Variants in GLYR1 observed in about 807,000 individuals in gnomAD.
GLYR1 encodes the protein glyoxylate reductase 1 homolog.
Under a neutral mutation model 72.7 loss-of-function variants are expected in GLYR1, and 21 were observed. The ratio of observed to expected loss-of-function variants is 0.29; its 90% CI spans 0.20 to 0.42. The LOEUF (loss-of-function observed/expected upper bound fraction) is 0.42. GLYR1 is among the 10% of genes least tolerant of loss of function. The probability of loss-of-function intolerance (pLI) is 1.00; values close to 1 mark genes in which losing one functional copy is unlikely to be tolerated. For missense variants in GLYR1, 594 were observed against 712.1 expected (o/e 0.83, Z 1.89); for synonymous variants, 392 against 270.2 (o/e 1.45, Z -4.42).
At chr16:4,832,273 TC>T (rs780213673) in intron 4 of GLYR1, 52 bp from the exon 5 acceptor site, 18 of 1,600,130 alleles carry the variant, frequency 1.1e-5, no homozygotes, top group Non-Finnish European at 1.5e-5. Context: ...GCTGCCGCCA[TC>T]GCCACCATCA....
At chr16:4,833,120 C>T in intron 3 of GLYR1, 1 of 425,436 alleles carries the variant, frequency 2.4e-6, no homozygotes, top group Non-Finnish European at 4.1e-6. Context: ...GCAGAACAAC[C>T]ATCACCACCA....
chr16:4,814,415 G>C, intron 11 of GLYR1, 122 bp downstream of exon 11: 1 of 744,552 alleles, frequency 1.3e-6, no homozygotes, highest in African/African-American at 1.7e-5. Context: ...GATGGCCCCT[G>C]ATGGGAAATT....
chr16:4,806,558 G>T (rs1371251166), intron 15 of GLYR1, among the ~76,000 whole-genome samples: 1 of 151,502 alleles, frequency 6.6e-6, no homozygotes, highest in Admixed American at 6.6e-5. Flanking sequence ...GTACAGATGG[G>T]GGTCTTGCTA....
At chr16:4,822,111 G>C (rs140300748) in intron 7 of GLYR1, among the ~76,000 whole-genome samples, 4 of 103,422 alleles carry the variant, frequency 3.9e-5, no homozygotes, top group Non-Finnish European at 8.4e-5. Flanking sequence ...TTCTGAGATA[G>C]AGTCTCGCTC....
Position 4,842,992 on chromosome 16 carries a change from G to A in GLYR1, c.155+2082C>T, listed in dbSNP as rs567306924. 1.1e-4 allele frequency among the ~76,000 whole-genome samples: 16 copies of A among 152,224 alleles called. No homozygotes were observed. The South Asian group carries it at 3.3e-3, about 32-fold the overall frequency. On this transcript the variant is annotated intron_variant, in intron 3 of 15. Transcript: ENST00000321919. ...TGGGGTTACAGGCATGAGCCACCATGCCCGACCATCATTGTGCACATCATC... is the reference window on the plus strand; with the variant it reads ...TGGGGTTACAGGCATGAGCCACCATACCCGACCATCATTGTGCACATCATC...
At chr16:4,840,263 G>T (rs1235072709) in intron 3 of GLYR1, 1 of 152,458 alleles carries the variant, frequency 6.6e-6, no homozygotes, top group South Asian at 2.1e-4. Context: ...TCCTGATCCC[G>T]TGATTCCTTC....
In GLYR1 at chr16:4,803,548, C is replaced by T. The variant is rs1001090900; in HGVS notation, c.*1688G>A. ...ACAATATTAAGACAAAATTGACTAA[C>T]CGGTTTCATTACCGCATCTTCCCCC... On this transcript the variant is annotated 3_prime_UTR_variant, in exon 16 of 16. Transcript: ENST00000321919. The T allele has an allele frequency of 6.6e-6, 1 of 152,562 alleles. No homozygotes were observed. Among genetic ancestry groups the T allele is most frequent in the Admixed American group, 6.5e-5 (1 of 15,272 alleles). The allele number at this position is 152,562 out of a possible 1,614,324, so 9.5% of individuals were successfully genotyped here.
intron 11 of GLYR1, 134 bp downstream of exon 11, chr16:4,814,403 G>A: frequency 1.4e-6 from 1 of 701,566 alleles, no homozygotes; most frequent in Admixed American, 2.2e-5. Context: ...TTCACAATGG[G>A]AGATGGCCCC....
In GLYR1 at chr16:4,832,178, G is replaced by C. The variant is rs2084842035; in HGVS notation, c.338C>G (p.Ser113Cys). 6.2e-7 allele frequency: 1 copy of C among 1,614,032 alleles called. No homozygotes were observed. The highest frequency in any genetic ancestry group is 8.5e-7 in the Non-Finnish European group (1 of 1,179,978). The stretch of plus-strand genomic sequence containing the variant: ...GTTTGGCCTACTTCTCTCCTCACTG[G>C]AATTACGTCGATTCTTGTCATCAGA... ...NSSDDKNRRNSSEERSRPNSG... is the reference protein window; with the variant it reads ...NSSDDKNRRNCSEERSRPNSG... Residue 113 changes from serine (S) to cysteine (C), a missense_variant, in exon 5 of 16, where the codon TCC becomes TGC. Around this residue, in one of 5 missense-constraint regions of GLYR1, gnomAD observed 252 missense variants for 211.3 expected, o/e 1.19. Coordinates refer to ENST00000321919, the MANE Select transcript of GLYR1 (RefSeq NM_032569.4).
At chr16:4,823,029 T>G in intron 6 of GLYR1, 98 bp from the exon 7 acceptor site, 1 of 968,338 alleles carries the variant, frequency 1.0e-6, no homozygotes. Flanking sequence ...GCAACACCTC[T>G]GGATTCTGGT....
chr16:4,809,059 A>G (rs1037912804), intron 15 of GLYR1, among the ~76,000 whole-genome samples: 9 of 152,210 alleles, frequency 5.9e-5, no homozygotes, highest in African/African-American at 2.2e-4. Context: ...GTCAAAATGG[A>G]TAAAAATCCA....
rs1190338905 is a variant in GLYR1 at position 4,847,242 on chromosome 16, G to C, written c.24C>G (p.Leu8=). Residue 8 remains leucine (L), a synonymous_variant, in exon 1 of 16, where the codon CTC becomes CTG. Coordinates refer to ENST00000321919, the MANE Select transcript of GLYR1 (RefSeq NM_032569.4). MAAVSLR[L]GDLVWGKLGR... is the part of the protein sequence containing the mutation. ...CTCGGACTCACCACACCAAGTCGCC[G>C]AGCCGCAGACTCACAGCCGCCATCT... 6 of 1,609,132 alleles carry C rather than the reference G, an allele frequency of 3.7e-6. No homozygotes were observed. The highest frequency in any genetic ancestry group is 2.7e-5 in the African/African-American group (2 of 74,600).
chr16:4,832,092 C>T lies in GLYR1; in HGVS notation c.424G>A (p.Glu142Lys), dbSNP rs1255631846. The change falls in exon 5 of 16, where the codon GAA (glutamate) becomes AAA (lysine). Residue 142 changes from glutamate (E) to lysine (K), a missense_variant. Coordinates refer to ENST00000321919, the MANE Select transcript of GLYR1 (RefSeq NM_032569.4). ...CCTGAAGACACCCTCTTCTTTCCTT[C>T]TCCCATGTTCTTCTTCACCTTCCCT... Reference protein sequence around the residue: ...SEGKVKKNMGEGKKRVSSGSS... With the variant: ...SEGKVKKNMGKGKKRVSSGSS... 8 of 1,614,120 alleles carry T rather than the reference C, an allele frequency of 5.0e-6. No homozygotes were observed. The highest frequency in any genetic ancestry group is 6.8e-6 in the Non-Finnish European group (8 of 1,180,062).
intron 12 of GLYR1, 122 bp downstream of exon 12, chr16:4,813,615 C>T (rs551643122): frequency 1.5e-5 from 12 of 825,386 alleles, no homozygotes; most frequent in Middle Eastern, 6.0e-4. Flanking sequence ...CAAGGCTACT[C>T]GCCTCTCCTC....
Position 4,817,657 on chromosome 16 carries a change from C to A in GLYR1, c.847G>T (p.Val283Phe). 3 of 1,613,514 alleles carry A rather than the reference C, an allele frequency of 1.9e-6. No homozygotes were observed. Among genetic ancestry groups the A allele is most frequent in the Non-Finnish European group, 2.5e-6 (3 of 1,179,532 alleles). ...TGACCCATTTTTAGCAAGTTGGAGACGATTCCACTTCCCATGAGACCAAGG... is the reference window on the plus strand; with the variant it reads ...TGACCCATTTTTAGCAAGTTGGAGAAGATTCCACTTCCCATGAGACCAAGG... ...LGLGLMGSGIVSNLLKMGHTV... is the reference protein window; with the variant it reads ...LGLGLMGSGIFSNLLKMGHTV... Residue 283 changes from valine to phenylalanine, a missense_variant, in exon 10 of 16, where the codon GTC (valine) becomes TTC (phenylalanine). Coordinates refer to ENST00000321919, the MANE Select transcript of GLYR1 (RefSeq NM_032569.4).
Position 4,843,482 on chromosome 16 carries a change from C to T in GLYR1, c.155+1592G>A. 4 of 1,274,190 alleles carry T rather than the reference C, an allele frequency of 3.1e-6. No individual in the cohort carries two copies. In the South Asian group the frequency reaches 3.8e-5, roughly 12 times the overall value. The allele number at this position is 1,274,190 out of a possible 1,614,324, so 78.9% of individuals were successfully genotyped here. A position where few individuals can be genotyped will look rare whatever the true frequency, so the allele number is the denominator to read the frequency against. ...ATCTTCTTTTTAAATCCATGGAGTT[C>T]TAAGAACATTCCCTCTTCCAGAAGC... On this transcript the variant is annotated intron_variant, in intron 3 of 15. Coordinates refer to ENST00000321919, the MANE Select transcript of GLYR1 (RefSeq NM_032569.4).
At chr16:4,829,490 TTTG>T (rs1303274691) in intron 5 of GLYR1, among the ~76,000 whole-genome samples, 6 of 151,722 alleles carry the variant, frequency 4.0e-5, no homozygotes, top group Admixed American at 1.3e-4. Flanking sequence ...TGTTTCTTTT[TTTG>T]TTGTTTTTTT....
At position 4,832,928 on chromosome 16, in the gene GLYR1, C is replaced by A. The variant is rs777409736; in HGVS notation, c.156-16G>T. 11 of 1,603,328 alleles carry A rather than the reference C, an allele frequency of 6.9e-6. No homozygotes were observed. The highest frequency in any genetic ancestry group is 1.7e-4 in the Middle Eastern group (1 of 6,022). ...GATCCAGGCACTAGCAGAAAACAAA[C>A]ACAAAAAGGGTGTGAACCATATAGC... is the stretch of plus-strand genomic sequence containing the variant. On this transcript the variant is annotated splice_polypyrimidine_tract_variant and intron_variant, in intron 3 of 15. Coordinates refer to ENST00000321919, the MANE Select transcript of GLYR1 (RefSeq NM_032569.4).
chr16:4,824,627 A>G (rs1329570689), intron 5 of GLYR1, among the ~76,000 whole-genome samples: 1 of 152,130 alleles, frequency 6.6e-6, no homozygotes, highest in Non-Finnish European at 1.5e-5. Context: ...TATCATGACA[A>G]AGGCAGAATT....
Sources: gnomAD v4.1 joint callset for allele counts (sites outside exome capture counted in the v4.1 genomes callset) on GRCh38, gnomAD v4.1.1 for gene constraint, gnomAD v4.1.1 regional missense constraint, MANE v1.5 for transcripts, NCBI Gene and HGNC (gene_info 2026-07-23, HGNC 2026-07-21) for gene names.